The following KCNMA1 variants were observed in gnomAD, a reference collection of about 807,000 sequenced individuals.
The protein encoded by KCNMA1 is potassium calcium-activated channel subfamily M alpha 1, also known as Calcium-activated potassium channel subunit alpha-1.
KCNMA1 carries 29 observed loss-of-function variants against 140.0 expected under a neutral mutation model. That is an observed-to-expected ratio of 0.21 (90% CI 0.15 to 0.28). The LOEUF is 0.28. Ranked by LOEUF, KCNMA1 falls within the 10% of genes least tolerant of loss-of-function variation. The probability of loss-of-function intolerance (pLI) is 1.00; values close to 1 mark genes in which losing one functional copy is unlikely to be tolerated. For missense variants in KCNMA1, 880 were observed against 1,602.2 expected, an observed-to-expected ratio of 0.55 and a Z score of 7.70; for synonymous variants, 612 against 611.9, an observed-to-expected ratio of 1.00 and a Z score of 0.00.
At chr10:76,956,508 C>T (rs1398639823) in intron 20 of KCNMA1, among the ~76,000 whole-genome samples, 1 of 152,070 alleles carries the variant, frequency 6.6e-6, no homozygotes, top group Admixed American at 6.5e-5. Flanking sequence ...AAGACATTAC[C>T]CTCTCTGACC....
intron 1 of KCNMA1, among the ~76,000 whole-genome samples, chr10:77,449,393 A>G (rs2097584738): frequency 6.6e-6 from 1 of 152,054 alleles, no homozygotes; most frequent in South Asian, 2.1e-4. Context: ...AGGTTTAAGA[A>G]TCAATAAATA....
chr10:76,988,058 G>A (rs185966188), intron 19 of KCNMA1, among the ~76,000 whole-genome samples: 28 of 152,280 alleles, frequency 1.8e-4, no homozygotes, highest in Non-Finnish European at 3.4e-4. Context: ...GAAAAGGTTC[G>A]AAATGTAATC....
chr10:77,536,264 A>G (rs2058865382), intron 1 of KCNMA1, among the ~76,000 whole-genome samples: 2 of 152,204 alleles, frequency 1.3e-5, no homozygotes, highest in African/African-American at 4.8e-5. Flanking sequence ...CTTTGTCTAG[A>G]GATGGAGTTT....
intron 2 of KCNMA1, among the ~76,000 whole-genome samples, chr10:77,252,239 A>C (rs1345528449): frequency 6.6e-6 from 1 of 152,226 alleles, no homozygotes; most frequent in Non-Finnish European, 1.5e-5. Context: ...TACTTTCTTT[A>C]ATCTTTCACA....
At chr10:77,455,676 T>C (rs1347429937) in intron 1 of KCNMA1, among the ~76,000 whole-genome samples, 2 of 152,128 alleles carry the variant, frequency 1.3e-5, no homozygotes, top group African/African-American at 4.8e-5. Flanking sequence ...CTCTTCCCCA[T>C]GAATCACCTT....
chr10:77,516,618 G>C (rs552897668), intron 1 of KCNMA1, among the ~76,000 whole-genome samples: 3 of 152,244 alleles, frequency 2.0e-5, no homozygotes, highest in Admixed American at 1.3e-4. Context: ...TGCTGCAAAG[G>C]CCTCTGAGCC....
At chr10:77,204,643 T>C (rs1268757269) in intron 3 of KCNMA1, among the ~76,000 whole-genome samples, 1 of 152,216 alleles carries the variant, frequency 6.6e-6, no homozygotes, top group Non-Finnish European at 1.5e-5. Context: ...GCATTAAGCA[T>C]GAGGTCAACT....
At chr10:77,584,559 A>C (rs368747621) in intron 1 of KCNMA1, among the ~76,000 whole-genome samples, 2 of 152,200 alleles carry the variant, frequency 1.3e-5, no homozygotes, top group South Asian at 2.1e-4. Context: ...GGGTTTCACC[A>C]TGTTAGCCAG....
intron 19 of KCNMA1, 147 bp from the exon 20 acceptor site, chr10:76,970,214 A>G (rs2075621540): frequency 1.4e-6 from 1 of 705,510 alleles, no homozygotes; most frequent in East Asian, 2.7e-5. Context: ...CAAAGACCAA[A>G]TGTGTTAGTC....
intron 24 of KCNMA1, 67 bp from the exon 25 acceptor site, chr10:76,910,163 C>T: frequency 6.4e-7 from 1 of 1,562,220 alleles, no homozygotes; most frequent in Non-Finnish European, 8.8e-7. Flanking sequence ...CAGAGGGAGA[C>T]CAGGCTACTG....
chr10:77,193,668 C>T (rs2039420260), intron 3 of KCNMA1, among the ~76,000 whole-genome samples: 1 of 152,196 alleles, frequency 6.6e-6, no homozygotes, highest in Non-Finnish European at 1.5e-5. Flanking sequence ...AACGTGTACA[C>T]ACAAACATCC....
chr10:77,411,830 G>A (rs1156910446), intron 1 of KCNMA1, among the ~76,000 whole-genome samples: 2 of 152,188 alleles, frequency 1.3e-5, no homozygotes, highest in Admixed American at 1.3e-4. Flanking sequence ...CCTTCGTGGA[G>A]CAGAGTATCA....
At chr10:76,941,055 G>GAAAGAAAGAAAGAA (rs2061987284) in intron 23 of KCNMA1, among the ~76,000 whole-genome samples, 1 of 58,352 alleles carries the variant, frequency 1.7e-5, no homozygotes, top group African/African-American at 7.3e-5. Flanking sequence ...GAAAGAAAGA[G>GAAAGAAAGAAAGAA]AAAGAAAGAA....
intron 1 of KCNMA1, among the ~76,000 whole-genome samples, chr10:77,537,530 T>TC (rs1490847178): frequency 6.6e-6 from 1 of 152,096 alleles, no homozygotes; most frequent in Non-Finnish European, 1.5e-5. Context: ...CTATGGAAAT[T>TC]CCCCCCATGA....
chr10:77,312,584 A>G (rs993390057), intron 2 of KCNMA1, among the ~76,000 whole-genome samples: 1 of 152,182 alleles, frequency 6.6e-6, no homozygotes, highest in African/African-American at 2.4e-5. Context: ...TGAAATCGTG[A>G]CACTGCACTC....
intron 1 of KCNMA1, among the ~76,000 whole-genome samples, chr10:77,574,975 C>T (rs961768092): frequency 5.3e-5 from 8 of 152,190 alleles, no homozygotes; most frequent in Non-Finnish European, 1.2e-4. Flanking sequence ...GACCACAGAT[C>T]GTACCACCAC....
At chr10:77,440,881 C>T (rs1417746718) in intron 1 of KCNMA1, among the ~76,000 whole-genome samples, 4 of 152,130 alleles carry the variant, frequency 2.6e-5, no homozygotes, top group Non-Finnish European at 5.9e-5. Flanking sequence ...TGCAGTGGCA[C>T]GATCTTGGCT....
chr10:77,505,409 G>A (rs1159905318), intron 1 of KCNMA1, among the ~76,000 whole-genome samples: 1 of 152,218 alleles, frequency 6.6e-6, no homozygotes, highest in Non-Finnish European at 1.5e-5. Flanking sequence ...CAAGGCTCTA[G>A]GAGATGTCAC....
intron 19 of KCNMA1, among the ~76,000 whole-genome samples, chr10:76,985,176 A>G (rs2080894807): frequency 6.6e-6 from 1 of 152,248 alleles, no homozygotes; most frequent in Non-Finnish European, 1.5e-5. Flanking sequence ...TATTACCTGA[A>G]GTATGGGTTA....
Sources: gnomAD v4.1 joint callset for allele counts (sites outside exome capture counted in the v4.1 genomes callset) on GRCh38, gnomAD v4.1.1 for gene constraint, MANE v1.5 for transcripts, NCBI Gene and HGNC (gene_info 2026-07-23, HGNC 2026-07-21) for gene names.